CDK14: variants seen among roughly 807,000 people sequenced by gnomAD.
The protein encoded by CDK14 is cyclin-dependent kinase 14.
A neutral mutation model predicts 60.7 loss-of-function variants in CDK14; 34 were observed. That is an observed-to-expected ratio of 0.56 (90% CI 0.43 to 0.75). The LOEUF (loss-of-function observed/expected upper bound fraction) is 0.75. Among genes scored for constraint, CDK14 ranks in the 30% least tolerant of loss-of-function variants. The probability of loss-of-function intolerance (pLI) is 0.00; values close to 1 mark genes in which losing one functional copy is unlikely to be tolerated. For synonymous variants in CDK14, 197 were observed against 203.7 expected, an observed-to-expected ratio of 0.97 and a Z score of 0.28; for missense variants, 482 against 564.1, an observed-to-expected ratio of 0.85 and a Z score of 1.47.
chr7:91,055,315 G>A (rs1435493526), intron 11 of CDK14, among the ~76,000 whole-genome samples: 1 of 152,184 alleles, frequency 6.6e-6, no homozygotes, highest in Non-Finnish European at 1.5e-5. Context: ...CAATAGGTAG[G>A]TTAAGAAGGG....
At position 91,030,391 on chromosome 7, in the gene CDK14, C is replaced by G. The variant is rs1250261982; in HGVS notation, c.1042-15506C>G. Among the ~76,000 whole-genome samples the G allele has an allele frequency of 1.3e-5, 2 of 152,022 alleles. 1 individual carries two copies. Among genetic ancestry groups the G allele is most frequent in the Admixed American group, 1.3e-4 (2 of 15,272 alleles). ...TATACAGGCTCTGACCTACATATTC[C>G]CAATATAGGACCAGTCCTTAGAGAG... is the stretch of plus-strand genomic sequence containing the variant. On this transcript the variant is annotated intron_variant, in intron 10 of 14. Coordinates refer to ENST00000380050, the MANE Select transcript of CDK14 (RefSeq NM_001287135.2).
intron 7 of CDK14, among the ~76,000 whole-genome samples, chr7:90,916,137 T>G (rs923034840): frequency 2.0e-5 from 3 of 151,948 alleles, no homozygotes; most frequent in African/African-American, 7.3e-5. Flanking sequence ...ACTAAAGGAG[T>G]ATGAATTTTC....
chr7:91,018,562 C>T (rs1352876129), intron 10 of CDK14, among the ~76,000 whole-genome samples: 1 of 152,186 alleles, frequency 6.6e-6, no homozygotes, highest in African/African-American at 2.4e-5. Context: ...GGCTGTGTGT[C>T]CCCACCCAAA....
chr7:91,163,755 C>T (rs952449760), intron 14 of CDK14, among the ~76,000 whole-genome samples: 1 of 152,092 alleles, frequency 6.6e-6, no homozygotes, highest in Non-Finnish European at 1.5e-5. Flanking sequence ...ACTTCCTTTC[C>T]TCCCTCACCC....
At chr7:90,751,431 G>A (rs115583939) in intron 4 of CDK14, among the ~76,000 whole-genome samples, 1,950 of 151,790 alleles carry the variant, frequency 0.013, 57 homozygotes, top group African/African-American at 0.045. Context: ...AGCCTCATAC[G>A]CAAAGGAGTA....
At chr7:90,670,692 T>A (rs1229692717) in intron 2 of CDK14, among the ~76,000 whole-genome samples, 1 of 152,020 alleles carries the variant, frequency 6.6e-6, no homozygotes, top group East Asian at 1.9e-4. Flanking sequence ...AACAACCAGA[T>A]CCTGTGAGAA....
intron 14 of CDK14, among the ~76,000 whole-genome samples, chr7:91,191,775 G>T (rs1802372228): frequency 6.6e-6 from 1 of 152,036 alleles, no homozygotes; most frequent in Admixed American, 6.6e-5. Context: ...ATGTATGTAT[G>T]CTTTGATTTT....
At chr7:90,632,804 A>G (rs765729133) in intron 2 of CDK14, among the ~76,000 whole-genome samples, 2 of 152,202 alleles carry the variant, frequency 1.3e-5, no homozygotes, top group Non-Finnish European at 2.9e-5. Flanking sequence ...AATTTGTCTT[A>G]CAGGCTGGGC....
chr7:90,805,592 G>T (rs58048573), intron 5 of CDK14, among the ~76,000 whole-genome samples: 1 of 151,822 alleles, frequency 6.6e-6, no homozygotes. Flanking sequence ...TAGAATTTTT[G>T]TACTGAAAAT....
chr7:91,160,965 T>G (rs1245131553), intron 14 of CDK14, among the ~76,000 whole-genome samples: 1 of 152,208 alleles, frequency 6.6e-6, no homozygotes, highest in Non-Finnish European at 1.5e-5. Flanking sequence ...AAATATAAAA[T>G]AAATTATTGA....
intron 2 of CDK14, chr7:90,716,433 A>C (rs550451984): frequency 6.6e-6 from 1 of 152,244 alleles, no homozygotes; most frequent in South Asian, 2.1e-4. Flanking sequence ...ATTCAATTCT[A>C]CTTAGGATAA....
At chr7:90,668,552 T>TTCGTG (rs1801030277) in intron 2 of CDK14, among the ~76,000 whole-genome samples, 1 of 152,146 alleles carries the variant, frequency 6.6e-6, no homozygotes, top group Non-Finnish European at 1.5e-5. Context: ...GTTTGTATTT[T>TTCGTG]TCGTGTCTAA....
chr7:90,661,204 T>C (rs1333923020), intron 2 of CDK14, among the ~76,000 whole-genome samples: 2 of 152,240 alleles, frequency 1.3e-5, no homozygotes, highest in Non-Finnish European at 2.9e-5. Context: ...CCTAATGCTT[T>C]TTCTCAAACT....
At chr7:90,728,879 C>T (rs1476391869) in intron 3 of CDK14, among the ~76,000 whole-genome samples, 7 of 151,922 alleles carry the variant, frequency 4.6e-5, no homozygotes, top group Non-Finnish European at 8.8e-5. Flanking sequence ...TCTCAAATGT[C>T]GCTGTCTCTT....
At chr7:91,074,961 T>C (rs1464729989) in intron 11 of CDK14, among the ~76,000 whole-genome samples, 2 of 152,192 alleles carry the variant, frequency 1.3e-5, no homozygotes, top group African/African-American at 4.8e-5. Flanking sequence ...AATCTCTGAA[T>C]AGACCAATAA....
intron 5 of CDK14, among the ~76,000 whole-genome samples, chr7:90,852,387 A>G (rs1790675545): frequency 6.6e-6 from 1 of 152,208 alleles, no homozygotes; most frequent in Admixed American, 6.5e-5. Flanking sequence ...ACTTGCGATA[A>G]GTCACTCTAC....
At position 90,794,646 on chromosome 7, in the gene CDK14, C is replaced by T. The variant is rs936257345; in HGVS notation, c.544+3994C>T. On this transcript the variant is annotated intron_variant, in intron 5 of 14. Coordinates refer to ENST00000380050, the MANE Select transcript of CDK14 (RefSeq NM_001287135.2). The stretch of plus-strand genomic sequence containing the variant: ...GTTATCTCCCTTGTTCCCTGAACAT[C>T]GCTGTTATCCTGTTCTTTTTTCAAG... Among the ~76,000 whole-genome samples, 5 of 152,174 alleles carry T rather than the reference C, an allele frequency of 3.3e-5. No homozygotes were observed. The South Asian group carries it at 6.2e-4, about 19-fold the overall frequency.
intron 2 of CDK14, among the ~76,000 whole-genome samples, chr7:90,705,455 T>G (rs150707599): frequency 1.3e-5 from 2 of 152,034 alleles, no homozygotes; most frequent in Non-Finnish European, 2.9e-5. Context: ...CCTATTTATG[T>G]GAAGATCAGT....
chr7:91,053,177 A>G (rs1231642119), intron 11 of CDK14, among the ~76,000 whole-genome samples: 2 of 152,230 alleles, frequency 1.3e-5, no homozygotes, highest in Non-Finnish European at 2.9e-5. Flanking sequence ...TTTACAAAGC[A>G]TTTTAATATA....
Sources: allele counts gnomAD v4.1 joint callset (sites outside exome capture counted in the v4.1 genomes callset), GRCh38; gene constraint gnomAD v4.1.1; transcripts MANE v1.5; gene names NCBI Gene and HGNC (gene_info 2026-07-23, HGNC 2026-07-21).